ZNF366: variants seen among roughly 807,000 people sequenced by gnomAD.
ZNF366 encodes zinc finger protein 366.
Under a neutral mutation model 47.2 loss-of-function variants are expected in ZNF366, and 20 were observed. The ratio of observed to expected loss-of-function variants is 0.42; its 90% CI spans 0.30 to 0.62. The LOEUF is 0.62. Ranked by LOEUF, ZNF366 falls within the 20% of genes least tolerant of loss-of-function variation. The probability of loss-of-function intolerance (pLI) is 0.16; values close to 1 mark genes in which losing one functional copy is unlikely to be tolerated. For synonymous variants in ZNF366, 421 were observed against 395.1 expected, an observed-to-expected ratio of 1.07 and a Z score of -0.78; for missense variants, 987 against 976.3, an observed-to-expected ratio of 1.01 and a Z score of -0.15.
intron 1 of ZNF366, 107 bp from the exon 2 acceptor site, chr5:72,461,617 C>A (rs1465477632): frequency 7.1e-7 from 1 of 1,407,490 alleles, no homozygotes; most frequent in Non-Finnish European, 9.5e-7. Flanking sequence ...AAGAGTAGTA[C>A]TTGCTTAATA....
At chr5:72,483,667 G>A (rs1217025153) in intron 1 of ZNF366, among the ~76,000 whole-genome samples, 1 of 152,206 alleles carries the variant, frequency 6.6e-6, no homozygotes, top group African/African-American at 2.4e-5. Context: ...AATCACAGGG[G>A]AGACAGCCTT....
chr5:72,477,590 T>C (rs115202009), intron 1 of ZNF366, among the ~76,000 whole-genome samples: 6,396 of 152,344 alleles, frequency 0.042, 220 homozygotes, highest in Non-Finnish European at 0.068. Flanking sequence ...ATAGCTATTA[T>C]TAACTGAGGA....
intron 1 of ZNF366, among the ~76,000 whole-genome samples, chr5:72,475,985 T>A (rs1743666687): frequency 6.6e-6 from 1 of 152,166 alleles, no homozygotes; most frequent in South Asian, 2.1e-4. Context: ...CCCATAACAA[T>A]GATGCCCTGA....
chr5:72,455,210 G>A (rs1202366420), intron 3 of ZNF366, among the ~76,000 whole-genome samples: 1 of 152,174 alleles, frequency 6.6e-6, no homozygotes, highest in Non-Finnish European at 1.5e-5. Context: ...TGCCCACACA[G>A]GTCTAGGGAA....
intron 2 of ZNF366, 71 bp downstream of exon 2, chr5:72,460,094 C>T: frequency 6.5e-7 from 1 of 1,547,730 alleles, no homozygotes. Context: ...CGTCCTGCTC[C>T]CCAGTGCTCT....
At chr5:72,504,125 A>G in intron 1 of ZNF366, among the ~76,000 whole-genome samples, 1 of 152,152 alleles carries the variant, frequency 6.6e-6, no homozygotes, top group South Asian at 2.1e-4. Context: ...ACGCACACCC[A>G]TGGTGATATA....
chr5:72,458,324 T>C (rs1743233218), intron 2 of ZNF366, among the ~76,000 whole-genome samples: 1 of 152,170 alleles, frequency 6.6e-6, no homozygotes, highest in Non-Finnish European at 1.5e-5. Context: ...CCAGCATCTT[T>C]CTTCTCTCAA....
intron 3 of ZNF366, among the ~76,000 whole-genome samples, chr5:72,454,329 G>T (rs1011121725): frequency 1.3e-5 from 2 of 152,152 alleles, no homozygotes; most frequent in Non-Finnish European, 2.9e-5. Context: ...ATAGCACCTT[G>T]CAGTTTCTTG....
intron 4 of ZNF366, among the ~76,000 whole-genome samples, chr5:72,446,086 T>C (rs1345313256): frequency 6.6e-6 from 1 of 152,216 alleles, no homozygotes; most frequent in African/African-American, 2.4e-5. Flanking sequence ...AAACAGCACA[T>C]AAACAAATCA....
chr5:72,441,511 T>C lies in ZNF366; in HGVS notation c.*2245A>G, dbSNP rs1223725191. The C allele has an allele frequency of 6.6e-6, 1 of 152,290 alleles. No homozygotes were observed. Among genetic ancestry groups the C allele is most frequent in the Non-Finnish European group, 1.5e-5 (1 of 68,092 alleles). The allele number at this position is 152,290 out of a possible 1,614,324, so 9.4% of individuals were successfully genotyped here. On this transcript the variant is annotated 3_prime_UTR_variant, in exon 5 of 5. Coordinates refer to ENST00000318442, the MANE Select transcript of ZNF366 (RefSeq NM_152625.3). ...CTTGTAACCACAGAAACCCACAGTC[T>C]TCTCTTCACAATCTCCGTTGCAGGT...
At chr5:72,447,445 G>T (rs754774277) in intron 3 of ZNF366, 28 bp from the exon 4 acceptor site, 1 of 1,612,180 alleles carries the variant, frequency 6.2e-7, no homozygotes, top group East Asian at 2.2e-5. Flanking sequence ...GAGAACACAG[G>T]TTACTCTGCC....
At chr5:72,459,166 C>A (rs902856647) in intron 2 of ZNF366, among the ~76,000 whole-genome samples, 5 of 152,164 alleles carry the variant, frequency 3.3e-5, no homozygotes, top group African/African-American at 1.2e-4. Context: ...TGTGTTTTGT[C>A]CTAACCTAAG....
intron 1 of ZNF366, among the ~76,000 whole-genome samples, chr5:72,466,259 T>G (rs1743425647): frequency 6.6e-6 from 1 of 152,206 alleles, no homozygotes; most frequent in Non-Finnish European, 1.5e-5. Flanking sequence ...ACCATGTAGT[T>G]AAAGAATACC....
chr5:72,450,260 C>T (rs1260730098), intron 3 of ZNF366, among the ~76,000 whole-genome samples: 1 of 152,198 alleles, frequency 6.6e-6, no homozygotes, highest in Non-Finnish European at 1.5e-5. Context: ...ATTCTTGTTG[C>T]TGCCACACCT....
intron 1 of ZNF366, among the ~76,000 whole-genome samples, chr5:72,485,182 T>C (rs527538069): frequency 6.6e-6 from 1 of 152,364 alleles, no homozygotes; most frequent in East Asian, 1.9e-4. Context: ...TTTTTCAACA[T>C]TGACACTCAG....
chr5:72,447,478 C>T, intron 3 of ZNF366, 61 bp from the exon 4 acceptor site: 2 of 1,580,724 alleles, frequency 1.3e-6, no homozygotes, highest in Non-Finnish European at 1.7e-6. Context: ...CATCCAGGCC[C>T]CTGGAGCACA....
rs532180697 is a variant in ZNF366, at chr5:72,468,471, A to C, written c.-14-6961T>G. On this transcript the variant is annotated intron_variant, in intron 1 of 4. Transcript: ENST00000318442. ...ACACGTGAAACAGCCAATTGAACTCACAAAATCAATTTTTGAAAGTTCCTA... is the reference window on the plus strand; with the variant it reads ...ACACGTGAAACAGCCAATTGAACTCCCAAAATCAATTTTTGAAAGTTCCTA... Among the ~76,000 whole-genome samples the C allele has an allele frequency of 1.5e-4, 23 of 152,358 alleles. 1 individual carries two copies. Among genetic ancestry groups the C allele is most frequent in the African/African-American group, 4.8e-4 (20 of 41,586 alleles).
intron 1 of ZNF366, among the ~76,000 whole-genome samples, chr5:72,466,217 A>T (rs565701968): frequency 1.4e-3 from 211 of 152,288 alleles, no homozygotes; most frequent in African/African-American, 5.0e-3. Context: ...GGATAAGGCT[A>T]GGGTGAGTTT....
chr5:72,443,643 A>G lies in ZNF366; in HGVS notation c.*113T>C. Reference sequence around the variant, plus strand: ...CATCCCTGCTCATTTAGTCTAAGCCATTTGTAGAGATTGGTACTATTCGCC... The same window carrying G: ...CATCCCTGCTCATTTAGTCTAAGCCGTTTGTAGAGATTGGTACTATTCGCC... On this transcript the variant is annotated 3_prime_UTR_variant, in exon 5 of 5. Transcript: ENST00000318442. 1.7e-6 allele frequency: 2 copies of G among 1,184,600 alleles called. No homozygotes were observed. The highest frequency in any genetic ancestry group is 2.3e-6 in the Non-Finnish European group (2 of 858,156). The allele number at this position is 1,184,600 out of a possible 1,614,324, so 73.4% of individuals were successfully genotyped here.
Sources: gnomAD v4.1 joint callset for allele counts (sites outside exome capture counted in the v4.1 genomes callset) on GRCh38, gnomAD v4.1.1 for gene constraint, MANE v1.5 for transcripts, NCBI Gene and HGNC (gene_info 2026-07-23, HGNC 2026-07-21) for gene names.